Variants in PCDH9 observed in about 807,000 individuals in gnomAD.
PCDH9 encodes protocadherin 9, also known as protocadherin-9.
PCDH9 carries 24 observed loss-of-function variants against 70.6 expected under a neutral mutation model. That is an observed-to-expected ratio of 0.34 (90% confidence interval 0.25 to 0.48). The LOEUF is 0.48. Ranked by LOEUF, PCDH9 falls within the 20% of genes least tolerant of loss-of-function variation. The pLI, the probability that PCDH9 is intolerant of heterozygous loss-of-function variation, is 0.99. For missense variants in PCDH9, 1,281 were observed against 1,503.6 expected, an observed-to-expected ratio of 0.85 and a Z score of 2.45; for synonymous variants, 562 against 558.5, an observed-to-expected ratio of 1.01 and a Z score of -0.09.
intron 3 of PCDH9, among the ~76,000 whole-genome samples, chr13:66,737,235 C>T (rs2079164753): frequency 6.6e-6 from 1 of 151,944 alleles, no homozygotes; most frequent in African/African-American, 2.4e-5. Context: ...CACGTGATTG[C>T]TTGCATTTTG....
At chr13:67,170,352 G>A (rs901002076) in intron 2 of PCDH9, among the ~76,000 whole-genome samples, 4 of 152,132 alleles carry the variant, frequency 2.6e-5, no homozygotes, top group Admixed American at 6.5e-5. Context: ...CTAACACTGA[G>A]AAATACATTT....
chr13:66,512,797 C>T (rs1048932110), intron 4 of PCDH9, among the ~76,000 whole-genome samples: 2 of 151,842 alleles, frequency 1.3e-5, no homozygotes, highest in African/African-American at 2.4e-5. Flanking sequence ...TCATTCTTTT[C>T]TCTTTTCTTT....
intron 2 of PCDH9, among the ~76,000 whole-genome samples, chr13:67,166,026 T>C (rs899347115): frequency 1.8e-4 from 27 of 152,200 alleles, no homozygotes; most frequent in African/African-American, 6.5e-4. Context: ...TAAATCTTTT[T>C]TTCTCTTGAG....
At chr13:66,648,311 C>A (rs1314673159) in intron 3 of PCDH9, among the ~76,000 whole-genome samples, 1 of 152,204 alleles carries the variant, frequency 6.6e-6, no homozygotes, top group Non-Finnish European at 1.5e-5. Context: ...TGGGTGGCCA[C>A]AGGAGTGCTT....
At chr13:66,854,785 ATTG>A (rs766291541) in intron 3 of PCDH9, among the ~76,000 whole-genome samples, 1 of 152,118 alleles carries the variant, frequency 6.6e-6, no homozygotes, top group Non-Finnish European at 1.5e-5. Context: ...AACGAGTTAT[ATTG>A]TTGTTGGCCA....
chr13:66,693,701 T>A (rs1178043925), intron 3 of PCDH9, among the ~76,000 whole-genome samples: 2 of 152,184 alleles, frequency 1.3e-5, no homozygotes, highest in Non-Finnish European at 2.9e-5. Context: ...TGGGCCAAAT[T>A]ATATCTTCCT....
At chr13:67,221,717 G>C (rs1435131722) in intron 2 of PCDH9, 1 of 151,978 alleles carries the variant, frequency 6.6e-6, no homozygotes, top group East Asian at 1.9e-4. Context: ...AAACCACACA[G>C]GGGCCAAGAA....
intron 2 of PCDH9, among the ~76,000 whole-genome samples, chr13:66,994,497 C>T (rs1283645554): frequency 1.3e-5 from 2 of 152,120 alleles, no homozygotes; most frequent in South Asian, 4.2e-4. Flanking sequence ...TGAAAGATAA[C>T]AGCTTAAAAA....
chr13:66,624,892 C>T (rs564507574), intron 4 of PCDH9, among the ~76,000 whole-genome samples: 4 of 152,014 alleles, frequency 2.6e-5, no homozygotes, highest in Non-Finnish European at 5.9e-5. Context: ...ATATTGATTC[C>T]GAGTTTTATA....
At chr13:66,860,213 TCTCC>T (rs1351376098) in intron 3 of PCDH9, among the ~76,000 whole-genome samples, 5 of 152,108 alleles carry the variant, frequency 3.3e-5, no homozygotes. Flanking sequence ...AGGAGAATCT[TCTCC>T]CTCCTAACCT....
At chr13:66,541,205 TACAG>T (rs1297761489) in intron 4 of PCDH9, among the ~76,000 whole-genome samples, 1 of 152,152 alleles carries the variant, frequency 6.6e-6, no homozygotes, top group Non-Finnish European at 1.5e-5. Flanking sequence ...TCCCTCTTTA[TACAG>T]ACAAAGTCCC....
At chr13:67,018,048 T>G (rs166336) in intron 2 of PCDH9, among the ~76,000 whole-genome samples, 3,538 of 151,896 alleles carry the variant, frequency 0.023, 132 homozygotes, top group African/African-American at 0.079. Context: ...TTTTCTTTGA[T>G]TAGAAGCAAT....
intron 2 of PCDH9, among the ~76,000 whole-genome samples, chr13:67,129,702 T>A (rs1489653013): frequency 6.6e-6 from 1 of 151,926 alleles, no homozygotes; most frequent in East Asian, 1.9e-4. Flanking sequence ...ATATTCTCTC[T>A]ATAGTTAAAG....
At chr13:66,919,155 T>G (rs751663345) in intron 2 of PCDH9, among the ~76,000 whole-genome samples, 4 of 151,286 alleles carry the variant, frequency 2.6e-5, no homozygotes, top group Non-Finnish European at 4.4e-5. Flanking sequence ...TCTGGGGAAC[T>G]TCATACAATT....
intron 4 of PCDH9, among the ~76,000 whole-genome samples, chr13:66,358,246 A>C (rs1157452457): frequency 6.6e-6 from 1 of 152,024 alleles, no homozygotes; most frequent in Non-Finnish European, 1.5e-5. Flanking sequence ...GTTTTATAAA[A>C]TATTAAATGC....
intron 2 of PCDH9, among the ~76,000 whole-genome samples, chr13:66,969,434 A>G (rs1278145606): frequency 6.6e-6 from 1 of 152,068 alleles, no homozygotes; most frequent in Non-Finnish European, 1.5e-5. Flanking sequence ...AATAAATTGA[A>G]ATCACTACAG....
chr13:67,140,608 A>G (rs1566450364), intron 2 of PCDH9, among the ~76,000 whole-genome samples: 1 of 152,144 alleles, frequency 6.6e-6, no homozygotes, highest in African/African-American at 2.4e-5. Context: ...TCCACCCACA[A>G]AGATCCTGAT....
chr13:66,381,074 TGAA>T, intron 4 of PCDH9, among the ~76,000 whole-genome samples: 1 of 152,272 alleles, frequency 6.6e-6, no homozygotes, highest in East Asian at 1.9e-4. Flanking sequence ...TAGTTTTCTT[TGAA>T]GAAGAGAGTT....
At chr13:66,358,856 C>T (rs1239973297) in intron 4 of PCDH9, among the ~76,000 whole-genome samples, 1 of 151,900 alleles carries the variant, frequency 6.6e-6, no homozygotes, top group Non-Finnish European at 1.5e-5. Flanking sequence ...CAAGATTCCA[C>T]ATTCATATTC....
Sources: gnomAD v4.1 joint callset for allele counts (sites outside exome capture counted in the v4.1 genomes callset) on GRCh38, gnomAD v4.1.1 for gene constraint, MANE v1.5 for transcripts, NCBI Gene and HGNC (gene_info 2026-07-23, HGNC 2026-07-21) for gene names.